Variants in TENM3 observed in about 807,000 individuals in gnomAD.
The protein encoded by TENM3 is teneurin transmembrane protein 3, also known as teneurin-3.
A neutral mutation model predicts 255.1 loss-of-function variants in TENM3; 63 were observed. The ratio of observed to expected loss-of-function variants is 0.25; its 90% CI spans 0.20 to 0.30. The LOEUF (loss-of-function observed/expected upper bound fraction) is 0.30. TENM3 is among the 10% of genes least tolerant of loss of function. The probability of loss-of-function intolerance (pLI) is 1.00; values close to 1 mark genes in which losing one functional copy is unlikely to be tolerated. For missense variants in TENM3, 2,929 were observed against 3,461.1 expected (o/e 0.85, Z 3.86); for synonymous variants, 1,306 against 1,322.3 (o/e 0.99, Z 0.27).
chr4:181,561,166 C>T, the TENM3 span, among the ~76,000 whole-genome samples: 2 of 152,110 alleles, frequency 1.3e-5, no homozygotes, highest in Non-Finnish European at 2.9e-5. Flanking sequence ...GTTGGCCAGG[C>T]TGGTCTCGAA....
intron 6 of TENM3, among the ~76,000 whole-genome samples, chr4:182,658,692 T>A (rs1252842010): frequency 6.6e-6 from 1 of 152,246 alleles, no homozygotes; most frequent in Non-Finnish European, 1.5e-5. Context: ...CTCTTGTGGT[T>A]CAGTGAATTG....
Position 182,789,018 on chromosome 4 carries a change from G to T in TENM3, c.5305-75G>T. ...CAAAGAGAATCAATCATCGTAAATGGTGTTTAAACAATACTGGGGACTCCG... is the reference window on the plus strand; with the variant it reads ...CAAAGAGAATCAATCATCGTAAATGTTGTTTAAACAATACTGGGGACTCCG... On this transcript the variant is annotated intron_variant, in intron 24 of 27. Coordinates refer to ENST00000511685, the MANE Select transcript of TENM3 (RefSeq NM_001080477.4). This position sits in a 1 kb window ranked among gnomAD's most constrained non-coding sequence, Gnocchi z 4.4. 1 of 1,274,854 alleles carries T rather than the reference G, an allele frequency of 7.8e-7. No individual in the cohort carries two copies. 79.0% of individuals were successfully genotyped at this position (1,274,854 alleles called of 1,614,324 possible). A position where few individuals can be genotyped will look rare whatever the true frequency, so the allele number is the denominator to read the frequency against.
chr4:182,022,105 T>C, the TENM3 span, among the ~76,000 whole-genome samples: 2 of 151,930 alleles, frequency 1.3e-5, no homozygotes, highest in Non-Finnish European at 2.9e-5. Flanking sequence ...TATAGCCACA[T>C]GTTTGTTTGT....
the TENM3 span, among the ~76,000 whole-genome samples, chr4:181,980,557 G>C: frequency 6.6e-6 from 1 of 152,100 alleles, no homozygotes; most frequent in African/African-American, 2.4e-5. Context: ...TTATTGAAGG[G>C]TGATATTGGA....
chr4:182,033,924 T>A, the TENM3 span, among the ~76,000 whole-genome samples: 1 of 152,228 alleles, frequency 6.6e-6, no homozygotes, highest in African/African-American at 2.4e-5. Context: ...TAAGCCTATA[T>A]GTGTCTTTGC....
chr4:181,485,008 G>C, the TENM3 span, among the ~76,000 whole-genome samples: 1 of 152,090 alleles, frequency 6.6e-6, no homozygotes, highest in South Asian at 2.1e-4. Flanking sequence ...GATCCAGGAA[G>C]AAAAATAAAA....
chr4:182,318,733 G>A (rs1341127916), intron 1 of TENM3, among the ~76,000 whole-genome samples: 1 of 152,148 alleles, frequency 6.6e-6, no homozygotes, highest in Admixed American at 6.6e-5. Context: ...TGATATTGTT[G>A]TGTGTTTGCT....
At chr4:181,705,243 G>A in the TENM3 span, among the ~76,000 whole-genome samples, 5 of 152,106 alleles carry the variant, frequency 3.3e-5, no homozygotes, top group East Asian at 1.9e-4. Flanking sequence ...TCCTGAAACC[G>A]CGGAGGAGGT....
At chr4:181,593,654 A>C in the TENM3 span, among the ~76,000 whole-genome samples, 4 of 152,198 alleles carry the variant, frequency 2.6e-5, no homozygotes, top group East Asian at 7.7e-4. Flanking sequence ...CAGAAGAAAC[A>C]GTACTTTGCT....
intron 5 of TENM3, among the ~76,000 whole-genome samples, chr4:182,646,473 G>A (rs569727381): frequency 9.8e-5 from 15 of 152,290 alleles, no homozygotes; most frequent in East Asian, 1.9e-4. Context: ...TGGGGATGGC[G>A]ACTCACTCCT....
At chr4:181,788,014 T>A in the TENM3 span, among the ~76,000 whole-genome samples, 1 of 152,110 alleles carries the variant, frequency 6.6e-6, no homozygotes, top group Non-Finnish European at 1.5e-5. Context: ...AAAGCCAAAC[T>A]GTAATCCAGC....
chr4:182,495,702 C>T (rs1018023681), intron 3 of TENM3, among the ~76,000 whole-genome samples: 1 of 152,136 alleles, frequency 6.6e-6, no homozygotes, highest in African/African-American at 2.4e-5. Context: ...CTGTAGTTTT[C>T]GTTTTATGTG....
At chr4:182,755,634 C>G (rs1382764515) in intron 22 of TENM3, among the ~76,000 whole-genome samples, 1 of 151,920 alleles carries the variant, frequency 6.6e-6, no homozygotes, top group African/African-American at 2.4e-5. Context: ...GTCAGAAGAT[C>G]GAGACCATCC....
At chr4:181,778,794 C>T in the TENM3 span, among the ~76,000 whole-genome samples, 9,538 of 152,200 alleles carry the variant, frequency 0.063, 611 homozygotes, top group African/African-American at 0.16. Context: ...GCTGCTGGAA[C>T]CTTTTCTTGT....
At chr4:182,231,360 G>A (rs1260573249) in intron 1 of TENM3, among the ~76,000 whole-genome samples, 5 of 151,682 alleles carry the variant, frequency 3.3e-5, no homozygotes, top group African/African-American at 7.3e-5. Flanking sequence ...AACCCCAGGA[G>A]AACAAAAAAA....
the TENM3 span, among the ~76,000 whole-genome samples, chr4:181,503,167 C>A: frequency 0.022 from 3,387 of 152,098 alleles, 65 homozygotes; most frequent in East Asian, 0.068. Flanking sequence ...GAGTTTGAGA[C>A]CAGTCTGGGC....
chr4:182,589,691 G>A (rs761369764), intron 3 of TENM3, among the ~76,000 whole-genome samples: 2 of 152,010 alleles, frequency 1.3e-5, no homozygotes, highest in African/African-American at 2.4e-5. Flanking sequence ...AACGGTTTGC[G>A]GCCGGGCGCA....
At chr4:181,606,928 C>T in the TENM3 span, among the ~76,000 whole-genome samples, 1 of 152,140 alleles carries the variant, frequency 6.6e-6, no homozygotes, top group Non-Finnish European at 1.5e-5. Context: ...GCTCCACTTA[C>T]ACCGCTTGGC....
chr4:181,818,631 T>C, the TENM3 span, among the ~76,000 whole-genome samples: 3 of 149,354 alleles, frequency 2.0e-5, no homozygotes, highest in Non-Finnish European at 4.5e-5. Context: ...TTTTTTGATT[T>C]GGAGTTTAGC....
Sources: allele counts gnomAD v4.1 joint callset (sites outside exome capture counted in the v4.1 genomes callset), GRCh38; gene constraint gnomAD v4.1.1; non-coding constraint Gnocchi (gnomAD v3.1); transcripts MANE v1.5; gene names NCBI Gene and HGNC (gene_info 2026-07-23, HGNC 2026-07-21).